PANK1: variants seen among roughly 807,000 people sequenced by gnomAD.
PANK1 encodes pantothenate kinase 1.
A neutral mutation model predicts 40.1 loss-of-function variants in PANK1; 18 were observed. That is an observed-to-expected ratio of 0.45 (90% CI 0.31 to 0.67). The LOEUF (loss-of-function observed/expected upper bound fraction) is 0.67. Ranked by LOEUF, PANK1 falls within the 30% of genes least tolerant of loss-of-function variation. PANK1 has a pLI of 0.06. For missense variants in PANK1, 457 were observed against 599.6 expected, an observed-to-expected ratio of 0.76 and a Z score of 2.48; for synonymous variants, 242 against 237.7, an observed-to-expected ratio of 1.02 and a Z score of -0.17.
chr10:89,625,531 T>A (rs550930492), intron 1 of PANK1, among the ~76,000 whole-genome samples: 1 of 152,258 alleles, frequency 6.6e-6, no homozygotes, highest in African/African-American at 2.4e-5. Context: ...CTGACTGCCA[T>A]CTTAAAAGTA....
At chr10:89,599,551 C>T (rs1480965826) in intron 2 of PANK1, 46 bp from the exon 3 acceptor site, 1 of 1,576,132 alleles carries the variant, frequency 6.3e-7, no homozygotes, top group Non-Finnish European at 8.6e-7. Context: ...AGATAGGCGA[C>T]CATCTAAGGG....
At chr10:89,624,887 T>C (rs1845613364) in intron 1 of PANK1, among the ~76,000 whole-genome samples, 1 of 152,214 alleles carries the variant, frequency 6.6e-6, no homozygotes, top group African/African-American at 2.4e-5. Flanking sequence ...ATGAATACTG[T>C]AAGTAGCTGG....
chr10:89,635,127 A>AAT (rs149212463), intron 1 of PANK1, among the ~76,000 whole-genome samples: 2,420 of 148,356 alleles, frequency 0.016, 29 homozygotes, highest in Non-Finnish European at 0.022. Context: ...TCATTTAGCA[A>AAT]ATATATATAT....
intron 1 of PANK1, among the ~76,000 whole-genome samples, chr10:89,622,102 C>A (rs1215090933): frequency 6.6e-6 from 1 of 152,144 alleles, no homozygotes; most frequent in East Asian, 1.9e-4. Context: ...TAATCATATG[C>A]AAAGACCTCC....
intron 3 of PANK1, among the ~76,000 whole-genome samples, chr10:89,595,874 A>ATATATATAT (rs1844582341): frequency 3.6e-5 from 3 of 84,424 alleles, no homozygotes; most frequent in South Asian, 4.7e-4. Context: ...ATATATATAT[A>ATATATATAT]ACTTCATTTA....
At chr10:89,613,320 T>C (rs1443114624) in intron 1 of PANK1, among the ~76,000 whole-genome samples, 2 of 152,192 alleles carry the variant, frequency 1.3e-5, no homozygotes, top group East Asian at 3.8e-4. Flanking sequence ...TTCTTTTATT[T>C]CAGCCCTAGA....
intron 1 of PANK1, among the ~76,000 whole-genome samples, chr10:89,615,548 T>C (rs1170275484): frequency 6.6e-6 from 1 of 152,178 alleles, no homozygotes; most frequent in South Asian, 2.1e-4. Context: ...TGTTATATCA[T>C]TAGTTTGGGT....
chr10:89,580,504 T>G (rs1216050859), downstream of PANK1: 1 of 152,220 alleles, frequency 6.6e-6, no homozygotes, highest in Non-Finnish European at 1.5e-5. Context: ...AGCAAAGAGC[T>G]TCCAGTCCCT....
chr10:89,595,676 C>T (rs1426000402), intron 3 of PANK1, among the ~76,000 whole-genome samples: 4 of 149,520 alleles, frequency 2.7e-5, no homozygotes, highest in Non-Finnish European at 5.9e-5. Flanking sequence ...AAAAATTAGC[C>T]AGCCTTGGTG....
chr10:89,625,577 A>G (rs1422788401), intron 1 of PANK1: 1 of 152,206 alleles, frequency 6.6e-6, no homozygotes, highest in East Asian at 1.9e-4. Flanking sequence ...TAGCTCTAGC[A>G]ACAGTACTCA....
At chr10:89,622,120 T>G (rs1845504212) in intron 1 of PANK1, among the ~76,000 whole-genome samples, 1 of 152,234 alleles carries the variant, frequency 6.6e-6, no homozygotes, top group South Asian at 2.1e-4. Context: ...TCCAAAACCA[T>G]ACTTTTAATA....
chr10:89,641,226 C>CA (rs1324347444), intron 1 of PANK1, among the ~76,000 whole-genome samples: 2 of 152,134 alleles, frequency 1.3e-5, no homozygotes, highest in African/African-American at 2.4e-5. Flanking sequence ...CAGATACAAC[C>CA]AGAAAATTTT....
rs760853511 is a variant in PANK1, at chr10:89,588,622, T to C, written c.1326+30A>G. 5 of 1,547,644 alleles carry C rather than the reference T, an allele frequency of 3.2e-6. No individual in the cohort carries two copies. In the South Asian group the frequency reaches 6.4e-5, roughly 20 times the overall value. On this transcript the variant is annotated intron_variant, in intron 6 of 6. Coordinates refer to ENST00000307534, the MANE Select transcript of PANK1 (RefSeq NM_148977.3). ...GCCAAACCAAAATATACTCCACATA[T>C]GACAGTAAGTCTATGCAAGCTCAAC...
chr10:89,607,148 C>A (rs1477303015), intron 2 of PANK1, among the ~76,000 whole-genome samples: 1 of 152,188 alleles, frequency 6.6e-6, no homozygotes, highest in African/African-American at 2.4e-5. Flanking sequence ...GTAATGATTT[C>A]TAGCTTTTGA....
At chr10:89,643,926 A>C in intron 1 of PANK1, 2 of 1,270,906 alleles carry the variant, frequency 1.6e-6, no homozygotes, top group South Asian at 2.0e-5. Flanking sequence ...CAAACCCTCA[A>C]CTCAACCTCC....
At chr10:89,615,254 C>G (rs541729843) in intron 1 of PANK1, among the ~76,000 whole-genome samples, 1 of 152,300 alleles carries the variant, frequency 6.6e-6, no homozygotes, top group East Asian at 1.9e-4. Flanking sequence ...TAGTTCTGTA[C>G]CAGAAATGCA....
chr10:89,641,763 A>ATAAC (rs1841976019), intron 1 of PANK1, among the ~76,000 whole-genome samples: 1 of 129,262 alleles, frequency 7.7e-6, no homozygotes, highest in African/African-American at 3.3e-5. Context: ...AAATAAATAA[A>ATAAC]TAAATAAATA....
At chr10:89,610,129 G>A (rs1175811788) in intron 2 of PANK1, among the ~76,000 whole-genome samples, 1 of 152,174 alleles carries the variant, frequency 6.6e-6, no homozygotes, top group African/African-American at 2.4e-5. Flanking sequence ...TCTTATCTAC[G>A]TAGCACAAGA....
intron 2 of PANK1, among the ~76,000 whole-genome samples, chr10:89,603,479 A>G (rs571730168): frequency 2.6e-5 from 4 of 152,262 alleles, no homozygotes; most frequent in Admixed American, 6.5e-5. Context: ...CTAATCAAAG[A>G]CTGTATAGAT....
Sources: allele counts gnomAD v4.1 joint callset (sites outside exome capture counted in the v4.1 genomes callset), GRCh38; gene constraint gnomAD v4.1.1; transcripts MANE v1.5; gene names NCBI Gene and HGNC (gene_info 2026-07-23, HGNC 2026-07-21).